The following RHPN2 variants were observed in gnomAD, a reference collection of about 807,000 sequenced individuals.
RHPN2 encodes rhophilin-2.
Under a neutral mutation model 79.0 loss-of-function variants are expected in RHPN2, and 40 were observed. That is an observed-to-expected ratio of 0.51 (90% CI 0.39 to 0.66). The LOEUF (loss-of-function observed/expected upper bound fraction) is 0.66, where lower values mean the gene tolerates loss of function less well. Ranked by LOEUF, RHPN2 falls within the 30% of genes least tolerant of loss-of-function variation. The pLI, the probability that RHPN2 is intolerant of heterozygous loss-of-function variation, is 0.00. For missense variants in RHPN2, 686 were observed against 883.5 expected, an observed-to-expected ratio of 0.78 and a Z score of 2.83; for synonymous variants, 285 against 363.5, an observed-to-expected ratio of 0.78 and a Z score of 2.46.
rs572650656 is a variant in RHPN2 at position 32,997,242 on chromosome 19, A to G, written c.1226-1022T>C. Among the ~76,000 whole-genome samples the G allele has an allele frequency of 2.8e-4, 43 of 152,328 alleles. 1 individual carries two copies. Among genetic ancestry groups the G allele is most frequent in the Middle Eastern group, 3.4e-3 (1 of 294 alleles). Reference sequence around the variant, plus strand: ...GTATGTAATAACCTCACTTGTGTCCATAAGATGTTCACTCAACAAATATTT... The same window carrying G: ...GTATGTAATAACCTCACTTGTGTCCGTAAGATGTTCACTCAACAAATATTT... On this transcript the variant is annotated intron_variant, in intron 10 of 14. Coordinates refer to ENST00000254260, the MANE Select transcript of RHPN2 (RefSeq NM_033103.5).
intron 14 of RHPN2, among the ~76,000 whole-genome samples, chr19:32,985,740 T>G (rs1234572043): frequency 6.6e-6 from 1 of 152,202 alleles, no homozygotes; most frequent in Non-Finnish European, 1.5e-5. Context: ...CAAGTGATTC[T>G]CATGCCTCAG....
At chr19:33,015,257 T>C (rs1236953440) in intron 4 of RHPN2, among the ~76,000 whole-genome samples, 2 of 151,834 alleles carry the variant, frequency 1.3e-5, no homozygotes, top group African/African-American at 4.8e-5. Flanking sequence ...AAACCCTGTC[T>C]CTACTAAAAA....
intron 5 of RHPN2, 43 bp from the exon 6 acceptor site, chr19:33,011,846 A>T (rs1267364647): frequency 6.2e-7 from 1 of 1,613,518 alleles, no homozygotes; most frequent in Non-Finnish European, 8.5e-7. Context: ...AGAGGAGGAC[A>T]CAGCTGATGG....
chr19:32,998,946 G>T (rs1162886625), intron 10 of RHPN2, among the ~76,000 whole-genome samples: 2 of 118,818 alleles, frequency 1.7e-5, no homozygotes, highest in African/African-American at 3.2e-5. Flanking sequence ...AAGAGGAGAG[G>T]AGAGAACAGG....
chr19:33,064,755 T>TGGGGGGGGC, intron 1 of RHPN2, 29 bp downstream of exon 1: 1 of 1,427,946 alleles, frequency 7.0e-7, no homozygotes, highest in Non-Finnish European at 9.4e-7. Context: ...AGCCCGCAGG[T>TGGGGGGGGC]CCCCGCCCGC....
intron 4 of RHPN2, among the ~76,000 whole-genome samples, chr19:33,019,432 A>G (rs1352271895): frequency 2.0e-5 from 3 of 152,094 alleles, no homozygotes; most frequent in Non-Finnish European, 4.4e-5. Flanking sequence ...ATACATAATT[A>G]GCCAGGCATG....
intron 6 of RHPN2, among the ~76,000 whole-genome samples, chr19:33,008,592 A>G (rs1349784050): frequency 1.3e-5 from 2 of 152,020 alleles, no homozygotes; most frequent in African/African-American, 4.8e-5. Context: ...CAACATGGTG[A>G]AACCCAGTCT....
chr19:33,010,417 C>G (rs1382310097), intron 6 of RHPN2, among the ~76,000 whole-genome samples: 1 of 147,812 alleles, frequency 6.8e-6, no homozygotes, highest in Non-Finnish European at 1.5e-5. Flanking sequence ...GAGTCTCACT[C>G]TGTCACCCAG....
chr19:33,015,547 TAA>T (rs1196019312), intron 4 of RHPN2, among the ~76,000 whole-genome samples: 2 of 151,762 alleles, frequency 1.3e-5, no homozygotes, highest in African/African-American at 4.8e-5. Flanking sequence ...TTAAGAAAAA[TAA>T]GAGACATAAA....
At chr19:33,032,423 G>C (rs924707065) in intron 2 of RHPN2, among the ~76,000 whole-genome samples, 4 of 152,106 alleles carry the variant, frequency 2.6e-5, no homozygotes, top group Non-Finnish European at 4.4e-5. Context: ...AGGTGGTGTA[G>C]GGAGGAGCTG....
intron 1 of RHPN2, among the ~76,000 whole-genome samples, chr19:33,060,919 C>A (rs914725518): frequency 3.0e-4 from 45 of 152,172 alleles, no homozygotes; most frequent in Non-Finnish European, 4.4e-5. Flanking sequence ...GCTAAATCCT[C>A]CCAATGCCTC....
rs751133823 is a variant in RHPN2, at chr19:33,064,881, G to A, written c.-29C>T. 2.7e-5 allele frequency: 40 copies of A among 1,486,580 alleles called. No homozygotes were observed. Among genetic ancestry groups the A allele is most frequent in the Middle Eastern group, 2.4e-4 (1 of 4,238 alleles). 92.1% of individuals were successfully genotyped at this position (1,486,580 alleles called of 1,614,324 possible). On this transcript the variant is annotated 5_prime_UTR_variant, in exon 1 of 15. Coordinates refer to ENST00000254260, the MANE Select transcript of RHPN2 (RefSeq NM_033103.5). ...AGCGGCGCGGGCGCGGAGGGCGGACGGCGGACTGAGGCGCGGCGGCTGAGG... is the reference window on the plus strand; with the variant it reads ...AGCGGCGCGGGCGCGGAGGGCGGACAGCGGACTGAGGCGCGGCGGCTGAGG...
intron 9 of RHPN2, among the ~76,000 whole-genome samples, chr19:33,001,489 C>T (rs1351706155): frequency 6.6e-6 from 1 of 151,812 alleles, no homozygotes; most frequent in Non-Finnish European, 1.5e-5. Flanking sequence ...AGGCAGTGAG[C>T]CATGATCATA....
intron 1 of RHPN2, among the ~76,000 whole-genome samples, chr19:33,047,871 C>T (rs1191793911): frequency 6.6e-6 from 1 of 152,028 alleles, no homozygotes; most frequent in Non-Finnish European, 1.5e-5. Flanking sequence ...ACAATTGCGC[C>T]ACTGCACTCC....
At chr19:33,008,321 AGCTTACT>A (rs1345864976) in intron 6 of RHPN2, 141 bp from the exon 7 acceptor site, 20 of 782,620 alleles carry the variant, frequency 2.6e-5, no homozygotes, top group Non-Finnish European at 6.1e-6. Flanking sequence ...GTGTGATCAT[AGCTTACT>A]GCAGCCTTCA....
chr19:33,045,099 T>C (rs1972131874), intron 1 of RHPN2, among the ~76,000 whole-genome samples: 1 of 147,920 alleles, frequency 6.8e-6, no homozygotes, highest in South Asian at 2.1e-4. Context: ...GTGCCTAGGA[T>C]GCAGTGCAGT....
At chr19:32,993,278 C>A (rs937650468) in intron 12 of RHPN2, among the ~76,000 whole-genome samples, 2 of 152,020 alleles carry the variant, frequency 1.3e-5, no homozygotes, top group Non-Finnish European at 2.9e-5. Context: ...AGTTCAAGAT[C>A]AGCCTGGCCA....
intron 6 of RHPN2, among the ~76,000 whole-genome samples, chr19:33,008,692 C>T (rs1052296198): frequency 2.0e-5 from 3 of 152,076 alleles, no homozygotes; most frequent in Non-Finnish European, 4.4e-5. Flanking sequence ...ATCACTTGAA[C>T]CCGAGAGGCG....
intron 10 of RHPN2, among the ~76,000 whole-genome samples, chr19:32,997,612 C>T (rs1296619512): frequency 6.6e-6 from 1 of 152,088 alleles, no homozygotes; most frequent in Non-Finnish European, 1.5e-5. Context: ...ACCTCAGCCT[C>T]CCAAGTAGCT....
Sources: gnomAD v4.1 joint callset for allele counts (sites outside exome capture counted in the v4.1 genomes callset) on GRCh38, gnomAD v4.1.1 for gene constraint, MANE v1.5 for transcripts, NCBI Gene and HGNC (gene_info 2026-07-23, HGNC 2026-07-21) for gene names.